The following LYSMD2 variants were observed in gnomAD, a reference collection of about 807,000 sequenced individuals.
LYSMD2 encodes lysM and putative peptidoglycan-binding domain-containing protein 2.
In LYSMD2, 6 loss-of-function variants were observed where a neutral mutation model predicts 17.7. The observed-to-expected ratio is 0.34, with a 90% CI of 0.19 to 0.67. The LOEUF (loss-of-function observed/expected upper bound fraction) is 0.67, where lower values mean the gene tolerates loss of function less well. Ranked by LOEUF, LYSMD2 falls within the 30% of genes least tolerant of loss-of-function variation. The pLI, the probability that LYSMD2 is intolerant of heterozygous loss-of-function variation, is 0.69. For synonymous variants in LYSMD2, 102 were observed against 129.8 expected, an observed-to-expected ratio of 0.79 and a Z score of 1.45; for missense variants, 237 against 286.7, an observed-to-expected ratio of 0.83 and a Z score of 1.25.
chr15:51,724,248 A>G (rs570850733), intron 2 of LYSMD2, among the ~76,000 whole-genome samples: 17 of 152,298 alleles, frequency 1.1e-4, no homozygotes, highest in African/African-American at 3.8e-4. Context: ...CTAATATCAA[A>G]TTTAAAAAAC....
At chr15:51,735,700 CAG>C (rs2055604692) in intron 1 of LYSMD2, among the ~76,000 whole-genome samples, 1 of 152,148 alleles carries the variant, frequency 6.6e-6, no homozygotes. Context: ...TTAGACATAA[CAG>C]GGATTAGAAA....
intron 1 of LYSMD2, among the ~76,000 whole-genome samples, chr15:51,735,777 A>G (rs760343644): frequency 3.9e-5 from 6 of 152,384 alleles, no homozygotes; most frequent in Non-Finnish European, 5.9e-5. Flanking sequence ...AATCAACTCA[A>G]GTGAAACCAC....
chr15:51,734,465 GTC>G (rs981804168), intron 1 of LYSMD2, among the ~76,000 whole-genome samples: 131 of 152,304 alleles, frequency 8.6e-4, no homozygotes, highest in African/African-American at 3.0e-3. Flanking sequence ...CCTTGTCGGA[GTC>G]TCTGTTCTGG....
chr15:51,751,221 TCCCACG>T lies in LYSMD2; in HGVS notation c.-1+44_-1+49del, dbSNP rs949025216. On this transcript the variant is annotated intron_variant, in intron 1 of 2. Coordinates refer to the LYSMD2 transcript ENST00000454181. ...GGCTGCCAACCCAACTACTCTCTCC[TCCCACG>T]CCCACGCCCAGCCAGGAAAACCTGG... 7 of 700,790 alleles carry T rather than the reference TCCCACG, an allele frequency of 1.0e-5. No individual in the cohort carries two copies. In the Admixed American group the frequency reaches 1.2e-4, roughly 12 times the overall value. 43.4% of individuals were successfully genotyped at this position (700,790 alleles called of 1,614,324 possible).
intron 1 of LYSMD2, among the ~76,000 whole-genome samples, chr15:51,744,738 TGTTTG>T (rs1444395513): frequency 2.0e-5 from 3 of 152,128 alleles, no homozygotes; most frequent in African/African-American, 7.2e-5. Context: ...CTTCCTTAAA[TGTTTG>T]GTAGAATTCA....
intron 1 of LYSMD2, among the ~76,000 whole-genome samples, chr15:51,730,694 C>A (rs1310456858): frequency 6.6e-6 from 1 of 152,192 alleles, no homozygotes; most frequent in African/African-American, 2.4e-5. Context: ...CTCAAAACTT[C>A]TTTTTCTTCC....
chr15:51,727,904 CAGTT>C (rs1282759052), intron 1 of LYSMD2, among the ~76,000 whole-genome samples: 7 of 152,308 alleles, frequency 4.6e-5, no homozygotes, highest in Admixed American at 3.3e-4. Flanking sequence ...TATTCAGACA[CAGTT>C]AGCAACAAGG....
chr15:51,749,552 T>C (rs1278100101), intron 1 of LYSMD2, among the ~76,000 whole-genome samples: 2 of 152,240 alleles, frequency 1.3e-5, no homozygotes, highest in Non-Finnish European at 2.9e-5. Flanking sequence ...TTTTATCACA[T>C]GCAGCCATTT....
chr15:51,737,644 G>A lies in LYSMD2; in HGVS notation c.-22C>T. On this transcript the variant is annotated 5_prime_UTR_variant, in exon 1 of 3. Transcript: ENST00000267838. This position sits in a 1 kb window ranked among gnomAD's most constrained non-coding sequence, Gnocchi z 4.2. ...CCATGGGTCCTGCCGAGGCCGCCGGGTCGGGGAGCTTGCCAAGGGGGCGGC... is the reference window on the plus strand; with the variant it reads ...CCATGGGTCCTGCCGAGGCCGCCGGATCGGGGAGCTTGCCAAGGGGGCGGC... 3 of 1,204,276 alleles carry A rather than the reference G, an allele frequency of 2.5e-6. No individual in the cohort carries two copies. In the South Asian group the frequency reaches 1.2e-4, roughly 50 times the overall value. The allele number at this position is 1,204,276 out of a possible 1,614,324, so 74.6% of individuals were successfully genotyped here. A position where few individuals can be genotyped will look rare whatever the true frequency, so the allele number is the denominator to read the frequency against.
intron 1 of LYSMD2, among the ~76,000 whole-genome samples, chr15:51,725,985 T>C (rs1022971598): frequency 6.6e-5 from 10 of 152,210 alleles, no homozygotes; most frequent in African/African-American, 1.7e-4. Flanking sequence ...GAGCCTTTAA[T>C]GCCAAATGAA....
intron 1 of LYSMD2, among the ~76,000 whole-genome samples, chr15:51,746,639 GAGAGAGAGAA>G (rs1402781294): frequency 6.6e-6 from 1 of 152,090 alleles, no homozygotes; most frequent in Non-Finnish European, 1.5e-5. Context: ...ACTGTATTTA[GAGAGAGAGAA>G]AGAGAGAGAA....
At chr15:51,737,707 C>T (rs1406611302), upstream of LYSMD2, 3 of 1,004,850 alleles carry the variant, frequency 3.0e-6, no homozygotes, top group African/African-American at 1.7e-5. The surrounding 1 kb of genome is among the most constrained non-coding windows in gnomAD (Gnocchi z 4.2). Flanking sequence ...GCCTCTTCCT[C>T]TTCACAGGGG....
intron 1 of LYSMD2, among the ~76,000 whole-genome samples, chr15:51,727,658 C>T (rs929839670): frequency 6.6e-6 from 1 of 152,218 alleles, no homozygotes; most frequent in Admixed American, 6.5e-5. Context: ...AGGTGACAGA[C>T]TCAGAGGCTG....
chr15:51,750,311 T>C (rs2055691857), intron 1 of LYSMD2, among the ~76,000 whole-genome samples: 1 of 152,256 alleles, frequency 6.6e-6, no homozygotes, highest in African/African-American at 2.4e-5. Context: ...ACCAGTGTTA[T>C]CATTTTCAGA....
chr15:51,744,942 T>C (rs995130770), intron 1 of LYSMD2, among the ~76,000 whole-genome samples: 9 of 152,120 alleles, frequency 5.9e-5, no homozygotes, highest in Admixed American at 2.0e-4. Context: ...ATATTACTAC[T>C]GATCTTAGAG....
At chr15:51,723,885 T>C (rs982317169) in intron 2 of LYSMD2, among the ~76,000 whole-genome samples, 9 of 151,740 alleles carry the variant, frequency 5.9e-5, no homozygotes, top group Non-Finnish European at 1.2e-4. Flanking sequence ...TATTTATATT[T>C]GCTTATATTT....
intron 1 of LYSMD2, among the ~76,000 whole-genome samples, chr15:51,749,350 C>T (rs2055685160): frequency 2.0e-5 from 3 of 152,244 alleles, no homozygotes; most frequent in Non-Finnish European, 2.9e-5. Flanking sequence ...ACTCATCATA[C>T]AGACAGAGAC....
chr15:51,727,817 A>G (rs2055549775), intron 1 of LYSMD2, among the ~76,000 whole-genome samples: 1 of 152,254 alleles, frequency 6.6e-6, no homozygotes, highest in African/African-American at 2.4e-5. Flanking sequence ...ATTAGTAAGC[A>G]TTTAAGATGT....
intron 1 of LYSMD2, among the ~76,000 whole-genome samples, chr15:51,745,799 T>C (rs2141603605): frequency 6.6e-6 from 1 of 152,252 alleles, no homozygotes. Context: ...AGGCAAAGGA[T>C]TTGAATAGAC....
Sources: allele counts gnomAD v4.1 joint callset (sites outside exome capture counted in the v4.1 genomes callset), GRCh38; gene constraint gnomAD v4.1.1; non-coding constraint Gnocchi (gnomAD v3.1); transcripts MANE v1.5; gene names NCBI Gene and HGNC (gene_info 2026-07-23, HGNC 2026-07-21).